CHAT: variants seen among roughly 807,000 people sequenced by gnomAD.
The protein encoded by CHAT is acetyl CoA:choline O-acetyltransferase.
Under a neutral mutation model 76.9 loss-of-function variants are expected in CHAT, and 61 were observed. The observed-to-expected ratio is 0.79, with a 90% CI of 0.65 to 0.98. CHAT has a LOEUF of 0.98. Ranked by LOEUF, CHAT falls within the 50% of genes least tolerant of loss-of-function variation. The probability of loss-of-function intolerance (pLI) is 0.00; values close to 1 mark genes in which losing one functional copy is unlikely to be tolerated. For missense variants in CHAT, 946 were observed against 986.9 expected (o/e 0.96, Z 0.56); for synonymous variants, 407 against 397.4 (o/e 1.02, Z -0.29).
chr10:49,631,855 C>T (rs767603925), intron 7 of CHAT, among the ~76,000 whole-genome samples: 2 of 151,724 alleles, frequency 1.3e-5, no homozygotes, highest in Non-Finnish European at 2.9e-5. Context: ...ACTACCATAA[C>T]GATGATTCCA....
upstream of CHAT, chr10:49,612,444 AC>A: frequency 1.8e-6 from 2 of 1,088,262 alleles, no homozygotes; most frequent in Non-Finnish European, 2.6e-6. Context: ...TCCAGCGAGT[AC>A]CCCAGCCACT....
At chr10:49,625,749 C>T (rs1838898372) in intron 6 of CHAT, 96 bp downstream of exon 6, 1 of 1,293,534 alleles carries the variant, frequency 7.7e-7, no homozygotes, top group African/African-American at 1.5e-5. Context: ...CAGCCTCCTT[C>T]CCTGAGTCAC....
At chr10:49,625,708 G>C in intron 6 of CHAT, 55 bp downstream of exon 6, 1 of 1,506,334 alleles carries the variant, frequency 6.6e-7, no homozygotes, top group African/African-American at 1.4e-5. Flanking sequence ...GTGGCCATGC[G>C]TTCACGTCCA....
chr10:49,616,667 A>T, intron 2 of CHAT, 65 bp downstream of exon 2: 2 of 1,181,438 alleles, frequency 1.7e-6, no homozygotes, highest in Non-Finnish European at 2.5e-6. Context: ...TGCTTCTAGA[A>T]CAGTCCTGAG....
chr10:49,626,863 G>A (rs988098094), intron 6 of CHAT, among the ~76,000 whole-genome samples: 8 of 152,206 alleles, frequency 5.3e-5, no homozygotes, highest in African/African-American at 1.9e-4. Flanking sequence ...AAACCACAGG[G>A]CTGACATACA....
chr10:49,615,966 G>C, intron 1 of CHAT: 1 of 1,445,064 alleles, frequency 6.9e-7, no homozygotes, highest in Non-Finnish European at 9.7e-7. Context: ...CTGGAGCACA[G>C]GGCCTTAAAG....
rs1404597140 is a variant in CHAT at position 49,662,628 on chromosome 10, T to C, written c.1840-17T>C. 1.1e-5 allele frequency: 17 copies of C among 1,613,992 alleles called. No homozygotes were observed. The highest frequency in any genetic ancestry group is 1.4e-5 in the Non-Finnish European group (17 of 1,180,014). The stretch of plus-strand genomic sequence containing the variant: ...GGCCCACTTCTCATCTCCTGTTCTT[T>C]GTCCCCAACTACACAGGCCATAACA... On this transcript the variant is annotated splice_polypyrimidine_tract_variant and intron_variant, in intron 13 of 14. Coordinates refer to ENST00000337653, the MANE Select transcript of CHAT (RefSeq NM_020549.5).
chr10:49,651,585 A>T (rs2132819102), intron 10 of CHAT, among the ~76,000 whole-genome samples: 1 of 152,270 alleles, frequency 6.6e-6, no homozygotes, highest in African/African-American at 2.4e-5. Context: ...GTCACAGTTA[A>T]TCCCTGACTC....
rs1181625101 is a variant in CHAT, at chr10:49,625,546, C to T, written c.826C>T (p.Leu276Phe). ...CCTTTGCATGAAGCAATACTATGGG[C>T]TCTTCTCCTCCTACCGGCTCCCCGG... ...QPLCMKQYYG[L>F]FSSYRLPGHT... is the part of the protein sequence containing the mutation. The change falls in exon 6 of 15, where the codon CTC becomes TTC. Residue 276 changes from leucine (L) to phenylalanine (F), a missense_variant. Around this residue, in one of 3 missense-constraint regions of CHAT, gnomAD observed 548 missense variants for 516.2 expected, o/e 1.06. Transcript: ENST00000337653. 9 of 1,613,754 alleles carry T rather than the reference C, an allele frequency of 5.6e-6. No homozygotes were observed. The highest frequency in any genetic ancestry group is 7.6e-6 in the Non-Finnish European group (9 of 1,179,958).
rs111320052 is a variant in CHAT, at chr10:49,644,280, C to T, written c.1112-2225C>T. On this transcript the variant is annotated intron_variant, in intron 7 of 14. Coordinates refer to ENST00000337653, the MANE Select transcript of CHAT (RefSeq NM_020549.5). ...GGCAGGAGGTTGTCTGTGAGGTCCA[C>T]GCAGGGATCTAGGGTGGGAAGGAGG... Among the ~76,000 whole-genome samples the T allele has an allele frequency of 6.3e-3, 955 of 152,260 alleles. 4 individuals are homozygous for T. Among genetic ancestry groups the T allele is most frequent in the Middle Eastern group, 0.014 (4 of 294 alleles).
In CHAT at chr10:49,667,604, C is replaced by T. The variant is rs1224323683; in HGVS notation, c.*2558C>T. Among the ~76,000 whole-genome samples, 2 of 152,212 alleles carry T rather than the reference C, an allele frequency of 1.3e-5. No individual in the cohort carries two copies. The highest frequency in any genetic ancestry group is 1.5e-5 in the Non-Finnish European group (1 of 68,048). On this transcript the variant is annotated 3_prime_UTR_variant, in exon 15 of 15. Coordinates refer to ENST00000337653, the MANE Select transcript of CHAT (RefSeq NM_020549.5). The stretch of plus-strand genomic sequence containing the variant: ...CACTGAGCCATGGCCAAGGGCATCT[C>T]TGCGGGGACCCTGGGAAAGGAGCCT...
intron 6 of CHAT, 80 bp downstream of exon 6, chr10:49,625,733 G>A (rs1838897797): frequency 7.0e-7 from 1 of 1,435,850 alleles, no homozygotes; most frequent in East Asian, 2.5e-5. Flanking sequence ...CTTCTCCGAG[G>A]GGGCTCAGCC....
intron 9 of CHAT, 64 bp downstream of exon 9, chr10:49,648,671 G>A (rs762217321): frequency 3.9e-6 from 4 of 1,026,966 alleles, no homozygotes; most frequent in Non-Finnish European, 6.0e-6. Flanking sequence ...GCTGGGGGCT[G>A]TGTCAGTCTG....
rs578201320 is a variant in CHAT, at chr10:49,646,620, C to T, written c.1227C>T (p.His409=). The change falls in exon 8 of 15, where the codon CAC becomes CAT. Residue 409 remains histidine (H), a synonymous_variant. Transcript: ENST00000337653. ...CCCACAGGGCACTCCAGCTCCTTCA[C>T]GGCGGAGGCTACAGCAAGAACGGGG... ...SDTHRALQLL[H]GGGYSKNGAN... 23 of 1,614,204 alleles carry T rather than the reference C, an allele frequency of 1.4e-5. No homozygotes were observed. The highest frequency in any genetic ancestry group is 1.7e-4 in the Middle Eastern group (1 of 6,038).
intron 10 of CHAT, among the ~76,000 whole-genome samples, chr10:49,649,858 G>A (rs1313279178): frequency 7.2e-6 from 1 of 139,390 alleles, no homozygotes; most frequent in Non-Finnish European, 1.5e-5. Flanking sequence ...AAATGCAAAC[G>A]CAGGGCTATT....
At chr10:49,638,895 T>G (rs1839381732) in intron 7 of CHAT, among the ~76,000 whole-genome samples, 1 of 152,230 alleles carries the variant, frequency 6.6e-6, no homozygotes, top group Non-Finnish European at 1.5e-5. Context: ...TCTTTCTTCT[T>G]GATATTCCAA....
chr10:49,610,578 T>A (rs542252328), upstream of CHAT: 174 of 619,772 alleles, frequency 2.8e-4, 1 homozygote, highest in African/African-American at 3.2e-3. Flanking sequence ...GTCCTTTCCT[T>A]TCCCGGGACG....
chr10:49,618,054 A>G (rs1838564002), intron 2 of CHAT, among the ~76,000 whole-genome samples: 1 of 152,164 alleles, frequency 6.6e-6, no homozygotes, highest in African/African-American at 2.4e-5. Flanking sequence ...GAAACTCATC[A>G]CTGCACAAAG....
intron 3 of CHAT, 31 bp downstream of exon 3, chr10:49,619,947 G>A (rs752985988): frequency 3.0e-5 from 47 of 1,592,842 alleles, no homozygotes; most frequent in Non-Finnish European, 3.7e-5. Flanking sequence ...ACCCATAGAA[G>A]AGGGGCGGGA....
Sources: gnomAD v4.1 joint callset for allele counts (sites outside exome capture counted in the v4.1 genomes callset) on GRCh38, gnomAD v4.1.1 for gene constraint, gnomAD v4.1.1 regional missense constraint, MANE v1.5 for transcripts, NCBI Gene and HGNC (gene_info 2026-07-23, HGNC 2026-07-21) for gene names.